CRACR2A: variants seen among roughly 807,000 people sequenced by gnomAD.
The protein encoded by CRACR2A is EF-hand calcium-binding domain-containing protein 4B.
Under a neutral mutation model 90.5 loss-of-function variants are expected in CRACR2A, and 79 were observed. The ratio of observed to expected loss-of-function variants is 0.87; its 90% CI spans 0.73 to 1.05. CRACR2A has a LOEUF of 1.05. Among genes scored for constraint, CRACR2A ranks in the 50% least tolerant of loss-of-function variants. The probability of loss-of-function intolerance (pLI) is 0.00; values close to 1 mark genes in which losing one functional copy is unlikely to be tolerated. For synonymous variants in CRACR2A, 338 were observed against 356.7 expected (o/e 0.95, Z 0.59); for missense variants, 823 against 897.2 (o/e 0.92, Z 1.06).
intron 7 of CRACR2A, among the ~76,000 whole-genome samples, chr12:3,660,883 CACACAA>C (rs1413680666): frequency 1.5e-4 from 18 of 121,280 alleles, no homozygotes; most frequent in Admixed American, 1.3e-3. Flanking sequence ...CACACACACA[CACACAA>C]TTTTGGCCCC....
At chr12:3,646,967 G>C (rs969960238) in intron 11 of CRACR2A, among the ~76,000 whole-genome samples, 2 of 152,186 alleles carry the variant, frequency 1.3e-5, no homozygotes, top group Non-Finnish European at 2.9e-5. Context: ...TAAGACTCGG[G>C]TTGGTTAAGT....
intron 4 of CRACR2A, among the ~76,000 whole-genome samples, chr12:3,686,616 T>G (rs1339084308): frequency 6.6e-6 from 1 of 152,122 alleles, no homozygotes; most frequent in African/African-American, 2.4e-5. Flanking sequence ...CTCTTCATGC[T>G]CTCTGTAGCC....
chr12:3,672,319 A>C (rs541643512), intron 7 of CRACR2A, among the ~76,000 whole-genome samples: 1 of 152,304 alleles, frequency 6.6e-6, no homozygotes, highest in South Asian at 2.1e-4. Flanking sequence ...TGTTTGCTCT[A>C]AGACTATTTC....
At chr12:3,741,356 A>T (rs1476874159) in intron 1 of CRACR2A, among the ~76,000 whole-genome samples, 1 of 152,196 alleles carries the variant, frequency 6.6e-6, no homozygotes, top group African/African-American at 2.4e-5. Context: ...CCTGTTTGAT[A>T]AAAAACACTG....
intron 4 of CRACR2A, among the ~76,000 whole-genome samples, chr12:3,687,065 C>T (rs964912248): frequency 3.8e-4 from 58 of 152,158 alleles, no homozygotes; most frequent in African/African-American, 1.2e-3. Context: ...TGGTGGGCTC[C>T]GATCACATGG....
intron 4 of CRACR2A, among the ~76,000 whole-genome samples, chr12:3,690,513 G>A (rs189319660): frequency 6.6e-6 from 1 of 152,260 alleles, no homozygotes; most frequent in African/African-American, 2.4e-5. Flanking sequence ...ATTGTGCTGT[G>A]GTCTGACAGA....
chr12:3,746,507 C>A lies in CRACR2A; in HGVS notation c.-387+6508G>T, dbSNP rs192425072. 2.3e-4 allele frequency among the ~76,000 whole-genome samples: 35 copies of A among 152,238 alleles called. No individual in the cohort carries two copies. The highest frequency in any genetic ancestry group is 9.2e-4 in the Admixed American group (14 of 15,280). On this transcript the variant is annotated intron_variant, in intron 1 of 19. Coordinates refer to ENST00000440314, the MANE Select transcript of CRACR2A (RefSeq NM_001144958.2). The surrounding 1 kb of genome is among the most constrained non-coding windows in gnomAD (Gnocchi z 4.4). ...GGCTTTCTGCAAGCCAAGGAGAGAA[C>A]CTTCACCCACCAAACTGGCACCATG...
At chr12:3,749,782 T>G (rs1369994490) in intron 1 of CRACR2A, among the ~76,000 whole-genome samples, 2 of 149,240 alleles carry the variant, frequency 1.3e-5, no homozygotes, top group Non-Finnish European at 3.0e-5. Context: ...TTGTTGTTGT[T>G]GTTGCTGTTT....
chr12:3,728,989 T>G (rs1008010404), intron 2 of CRACR2A: 9 of 152,186 alleles, frequency 5.9e-5, no homozygotes, highest in Admixed American at 1.3e-4. Context: ...CATGGCGTAT[T>G]TGTCTCTTTT....
At chr12:3,744,387 G>A (rs1459263661) in intron 1 of CRACR2A, among the ~76,000 whole-genome samples, 6 of 152,168 alleles carry the variant, frequency 3.9e-5, no homozygotes, top group South Asian at 4.1e-4. Context: ...AAACCTTCTC[G>A]AGTAGACACT....
intron 1 of CRACR2A, among the ~76,000 whole-genome samples, chr12:3,733,988 T>TTTTTTTTA: frequency 1.3e-5 from 2 of 148,314 alleles, no homozygotes; most frequent in East Asian, 2.0e-4. Context: ...TTTTTTTTTT[T>TTTTTTTTA]GAGATGGAGT....
chr12:3,707,781 G>A (rs183728569), intron 3 of CRACR2A, among the ~76,000 whole-genome samples: 87 of 152,334 alleles, frequency 5.7e-4, no homozygotes, highest in African/African-American at 1.9e-3. Flanking sequence ...GCCCGGAAGA[G>A]AGAGATGTAA....
chr12:3,654,564 G>A (rs73245935), intron 9 of CRACR2A, among the ~76,000 whole-genome samples, 165 bp from the exon 10 acceptor site: 1,632 of 152,152 alleles, frequency 0.011, 25 homozygotes, highest in African/African-American at 0.038. Flanking sequence ...CAGTTCACAC[G>A]TACACACTCC....
chr12:3,664,290 T>A (rs1175603913), intron 7 of CRACR2A, among the ~76,000 whole-genome samples: 2 of 152,238 alleles, frequency 1.3e-5, no homozygotes, highest in Non-Finnish European at 2.9e-5. Context: ...ATGAGAGGGA[T>A]ATATATTCTA....
intron 3 of CRACR2A, among the ~76,000 whole-genome samples, chr12:3,702,018 A>T (rs2137727419): frequency 6.6e-6 from 1 of 152,360 alleles, no homozygotes; most frequent in Middle Eastern, 3.4e-3. Context: ...ACATTTGAAA[A>T]TCAATAATGT....
intron 6 of CRACR2A, among the ~76,000 whole-genome samples, chr12:3,677,765 C>T (rs78571202): frequency 0.011 from 1,668 of 152,328 alleles, 17 homozygotes; most frequent in Middle Eastern, 0.041. Context: ...CCTTCCAGGC[C>T]TTCAGCAAAC....
chr12:3,638,362 G>A lies in CRACR2A; in HGVS notation c.1364C>T (p.Thr455Ile). The change falls in exon 14 of 20, where the codon ACC (threonine) becomes ATC (isoleucine). Residue 455 changes from threonine (T) to isoleucine (I), a missense_variant. Physicochemically the swap from Thr to Ile is moderately conservative, Grantham distance 89. Transcript: ENST00000440314. ...GYPLTEEEPG[T>I]GEPGPGGPYP... ...CGGACCCCCAGGCCCTGGCTCCCCG[G>A]TTCCTGGCTCCTCTTCTGTTAGGGG... The A allele has an allele frequency of 6.4e-7, 1 of 1,551,590 alleles. No individual in the cohort carries two copies. Among genetic ancestry groups the A allele is most frequent in the Non-Finnish European group, 8.7e-7 (1 of 1,146,944 alleles).
chr12:3,726,319 A>G (rs1196222410), intron 2 of CRACR2A: 1 of 152,166 alleles, frequency 6.6e-6, no homozygotes, highest in Non-Finnish European at 1.5e-5. Context: ...GTGCTGCCAA[A>G]GTGAGCACAG....
intron 1 of CRACR2A, among the ~76,000 whole-genome samples, chr12:3,734,490 G>A (rs530795765): frequency 1.3e-5 from 2 of 152,166 alleles, no homozygotes; most frequent in African/African-American, 2.4e-5. Flanking sequence ...GTATATGTCC[G>A]AAGGAAACAC....
Sources: allele counts gnomAD v4.1 joint callset (sites outside exome capture counted in the v4.1 genomes callset), GRCh38; gene constraint gnomAD v4.1.1; non-coding constraint Gnocchi (gnomAD v3.1); transcripts MANE v1.5; gene names NCBI Gene and HGNC (gene_info 2026-07-23, HGNC 2026-07-21).